The following PCM1 variants were observed in gnomAD, a reference collection of about 807,000 sequenced individuals.
PCM1 encodes the protein pericentriolar material 1 protein.
PCM1 carries 157 observed loss-of-function variants against 241.9 expected under a neutral mutation model. The ratio of observed to expected loss-of-function variants is 0.65; its 90% CI spans 0.57 to 0.74. The LOEUF (loss-of-function observed/expected upper bound fraction) is 0.74. Ranked by LOEUF, PCM1 falls within the 30% of genes least tolerant of loss-of-function variation. The pLI is 0.00. For synonymous variants in PCM1, 1,085 were observed against 784.9 expected, an observed-to-expected ratio of 1.38 and a Z score of -6.39; for missense variants, 3,478 against 2,360.1, an observed-to-expected ratio of 1.47 and a Z score of -9.81.
chr8:17,978,734 G>C (rs1011631558), intron 23 of PCM1, among the ~76,000 whole-genome samples: 17 of 151,140 alleles, frequency 1.1e-4, no homozygotes, highest in African/African-American at 4.2e-4. Flanking sequence ...AGATAAAGAA[G>C]ACAGAGAACA....
At chr8:17,974,145 A>G (rs759184971) in intron 23 of PCM1, among the ~76,000 whole-genome samples, 48 of 152,192 alleles carry the variant, frequency 3.2e-4, no homozygotes, top group Non-Finnish European at 6.5e-4. Flanking sequence ...CTGGTTATAA[A>G]GGTTTAGGAG....
At position 17,956,667 on chromosome 8, in the gene PCM1, A is replaced by G. The variant is rs944596121; in HGVS notation, c.1536A>G (p.Gln512=). ...ELRELVHYYE[Q]TSDMMTDAVN... Reference sequence around the variant, plus strand: ...GAGAATTAGTTCATTATTATGAACAAACGTCAGACATGATGACAGATGCTG... The same window carrying G: ...GAGAATTAGTTCATTATTATGAACAGACGTCAGACATGATGACAGATGCTG... The change falls in exon 11 of 39, where the codon CAA becomes CAG. Residue 512 remains glutamine, a synonymous_variant. Coordinates refer to ENST00000325083, the MANE Select transcript of PCM1 (RefSeq NM_006197.4). The G allele has an allele frequency of 6.2e-7, 1 of 1,602,236 alleles. No individual in the cohort carries two copies. Among genetic ancestry groups the G allele is most frequent in the Non-Finnish European group, 8.5e-7 (1 of 1,171,844 alleles).
In PCM1 at chr8:18,025,418, G is replaced by C. The variant is rs2129489608; in HGVS notation, c.5899G>C (p.Glu1967Gln). The change falls in exon 37 of 39, where the codon GAA becomes CAA. Residue 1967 changes from glutamate to glutamine, a missense_variant. Transcript: ENST00000325083. ...TGATGAAGAAGATTTTGTAAAAGTTGAAGATTTACCACTGAAACTGACAAT... is the reference window on the plus strand; with the variant it reads ...TGATGAAGAAGATTTTGTAAAAGTTCAAGATTTACCACTGAAACTGACAAT... ...KSDEEDFVKV[E>Q]DLPLKLTIYS... The C allele has an allele frequency of 6.2e-7, 1 of 1,603,924 alleles. No individual in the cohort carries two copies. The highest frequency in any genetic ancestry group is 8.5e-7 in the Non-Finnish European group (1 of 1,173,264).
intron 38 of PCM1, among the ~76,000 whole-genome samples, chr8:18,025,863 T>G (rs907679805): frequency 6.6e-6 from 1 of 152,136 alleles, no homozygotes; most frequent in African/African-American, 2.4e-5. Context: ...ATCTTTAGTT[T>G]TAAAAAATGT....
chr8:17,967,209 A>T (rs1466798891), intron 21 of PCM1, 39 bp downstream of exon 21: 2 of 1,433,000 alleles, frequency 1.4e-6, no homozygotes, highest in Admixed American at 4.1e-5. Flanking sequence ...AATAAAAGCA[A>T]AGTGTTTGGA....
intron 2 of PCM1, among the ~76,000 whole-genome samples, chr8:17,928,620 T>A (rs1209166214): frequency 4.0e-5 from 1 of 24,998 alleles, no homozygotes; most frequent in African/African-American, 1.7e-4. Flanking sequence ...CTCCCTCTTT[T>A]TTTTTTTTTT....
intron 36 of PCM1, among the ~76,000 whole-genome samples, chr8:18,021,498 G>A (rs1249522827): frequency 1.3e-5 from 2 of 152,172 alleles, no homozygotes; most frequent in African/African-American, 4.8e-5. Flanking sequence ...TACCCTTATA[G>A]AAAGGCTGAT....
At chr8:17,964,814 G>A (rs769561419) in intron 18 of PCM1, 46 bp downstream of exon 18, 1 of 1,454,838 alleles carries the variant, frequency 6.9e-7, no homozygotes, top group African/African-American at 1.4e-5. Flanking sequence ...AGAGGCTCAG[G>A]TCTTTTTGAC....
intron 17 of PCM1, among the ~76,000 whole-genome samples, chr8:17,964,166 A>C (rs2073851724): frequency 6.6e-6 from 1 of 152,160 alleles, no homozygotes; most frequent in African/African-American, 2.4e-5. Flanking sequence ...TATTAGCTGC[A>C]TTTTAAGTGC....
intron 29 of PCM1, among the ~76,000 whole-genome samples, chr8:17,994,519 C>T (rs1380818531): frequency 6.6e-6 from 1 of 152,158 alleles, no homozygotes; most frequent in South Asian, 2.1e-4. Context: ...CCCTTTAATA[C>T]ACTGATGTCT....
intron 28 of PCM1, among the ~76,000 whole-genome samples, chr8:17,992,089 T>C (rs948301204): frequency 4.0e-5 from 6 of 151,898 alleles, no homozygotes; most frequent in Non-Finnish European, 5.9e-5. Flanking sequence ...TAAACAAATA[T>C]ATCTGTCTAT....
chr8:17,958,169 A>G (rs902017857), intron 13 of PCM1, among the ~76,000 whole-genome samples: 1 of 152,158 alleles, frequency 6.6e-6, no homozygotes, highest in Non-Finnish European at 1.5e-5. Context: ...GCCTTATATT[A>G]TGTACAACTT....
chr8:17,933,387 A>C (rs1585714549), intron 2 of PCM1, among the ~76,000 whole-genome samples: 1 of 152,184 alleles, frequency 6.6e-6, no homozygotes, highest in Non-Finnish European at 1.5e-5. Context: ...TTTATTTTAC[A>C]GATGGTAACT....
chr8:17,949,001 C>T (rs1389627356), intron 7 of PCM1, among the ~76,000 whole-genome samples: 2 of 152,124 alleles, frequency 1.3e-5, no homozygotes, highest in Non-Finnish European at 2.9e-5. Flanking sequence ...AGAATTTTAG[C>T]AGAATTACAT....
In PCM1 at chr8:18,014,856, A is replaced by G. The variant is rs749063992; in HGVS notation, c.5841+16A>G. The G allele has an allele frequency of 3.2e-5, 49 of 1,547,450 alleles. No homozygotes were observed. Among genetic ancestry groups the G allele is most frequent in the Non-Finnish European group, 3.8e-5 (44 of 1,147,392 alleles). On this transcript the variant is annotated intron_variant, in intron 36 of 38. Transcript: ENST00000325083. ...GAATGACTATGTATGTATCATTTAC[A>G]TTTCCAAATATTTTTACTTTTCATT...
rs112068965 is a variant in PCM1, at chr8:17,961,987, A to G, written c.2323-47A>G. 343 of 1,543,102 alleles carry G rather than the reference A, an allele frequency of 2.2e-4. 1 individual carries two copies. The African/African-American group carries it at 4.2e-3, about 19-fold the overall frequency. ...AAGTAACTGCTTTTATGAAATTAAT[A>G]TAATTGCTTTAATTCCTCATAACGT... On this transcript the variant is annotated intron_variant, in intron 15 of 38. Coordinates refer to ENST00000325083, the MANE Select transcript of PCM1 (RefSeq NM_006197.4).
chr8:17,968,762 G>GTGTGTGTATA lies in PCM1; in HGVS notation c.3413-814_3413-813insGTGTGTATAT, dbSNP rs373502456. On this transcript the variant is annotated intron_variant, in intron 21 of 38. Transcript: ENST00000325083. ...TGTGTGTGTGTGTGTGTGTGTGTGT[G>GTGTGTGTATA]TATATATATATATATACACACCACA... is the stretch of plus-strand genomic sequence containing the variant. Among the ~76,000 whole-genome samples the GTGTGTGTATA allele has an allele frequency of 3.5e-3, 484 of 136,756 alleles. 2 individuals are homozygous for GTGTGTGTATA. Among genetic ancestry groups the GTGTGTGTATA allele is most frequent in the African/African-American group, 6.4e-3 (232 of 36,438 alleles). The allele number at this position is 136,756 out of a possible 152,430, so 89.7% of individuals were successfully genotyped here.
intron 5 of PCM1, 85 bp from the exon 6 acceptor site, chr8:17,939,606 A>G (rs2061444163): frequency 1.5e-6 from 1 of 657,556 alleles, no homozygotes; most frequent in South Asian, 3.9e-5. Context: ...AAAATTTGTA[A>G]AACTGTTGCT....
chr8:18,026,211 G>C (rs1328303155), intron 38 of PCM1, among the ~76,000 whole-genome samples: 5 of 134,628 alleles, frequency 3.7e-5, no homozygotes, highest in Non-Finnish European at 7.8e-5. Flanking sequence ...ATGTAGACAT[G>C]CCCATGGTTT....
Sources: allele counts gnomAD v4.1 joint callset (sites outside exome capture counted in the v4.1 genomes callset), GRCh38; gene constraint gnomAD v4.1.1; transcripts MANE v1.5; gene names NCBI Gene and HGNC (gene_info 2026-07-23, HGNC 2026-07-21).